Variants in NBEA observed in about 807,000 individuals in gnomAD.
NBEA encodes lysosomal-trafficking regulator 2.
A neutral mutation model predicts 343.4 loss-of-function variants in NBEA; 44 were observed. The ratio of observed to expected loss-of-function variants is 0.13; its 90% confidence interval spans 0.10 to 0.16. NBEA has a LOEUF of 0.16. NBEA is among the 10% of genes least tolerant of loss of function. NBEA has a pLI of 1.00. For synonymous variants in NBEA, 1,175 were observed against 1,238.7 expected, an observed-to-expected ratio of 0.95 and a Z score of 1.08; for missense variants, 2,555 against 3,631.3, an observed-to-expected ratio of 0.70 and a Z score of 7.62.
intron 33 of NBEA, among the ~76,000 whole-genome samples, chr13:35,212,979 A>G (rs531219881): frequency 2.0e-5 from 3 of 152,004 alleles, no homozygotes; most frequent in South Asian, 4.2e-4. Flanking sequence ...ATCATTATCA[A>G]TATGGTCTAT....
At position 34,942,985 on chromosome 13, in the gene NBEA, G is replaced by A. The variant is rs1343532608; in HGVS notation, c.165G>A (p.Met55Ile). The change falls in exon 1 of 59, where the codon ATG (methionine) becomes ATA (isoleucine). Residue 55 changes from methionine (M) to isoleucine (I), a missense_variant. This residue lies in a region of NBEA where 122 missense variants were observed against 91.0 expected (regional missense o/e 1.34). Coordinates refer to ENST00000379939, the MANE Select transcript of NBEA (RefSeq NM_001385012.1). ...GGGCGTCCGGCTCCGGCTCGGTGAT[G>A]CTCCCCGCGGGGATGATTAACCCTT... ...LRGASGSGSV[M>I]LPAGMINPSV... The A allele has an allele frequency of 6.2e-7, 1 of 1,608,622 alleles. No individual in the cohort carries two copies.
chr13:35,115,349 T>C (rs1374768524), intron 13 of NBEA, among the ~76,000 whole-genome samples: 2 of 151,974 alleles, frequency 1.3e-5, no homozygotes, highest in African/African-American at 2.4e-5. Flanking sequence ...TAAATATAAA[T>C]ATAAAATGAA....
intron 31 of NBEA, among the ~76,000 whole-genome samples, chr13:35,203,652 G>A (rs535998283): frequency 6.6e-5 from 10 of 152,224 alleles, no homozygotes; most frequent in Admixed American, 3.3e-4. Flanking sequence ...ATGAATGAGT[G>A]AATGTATCAC....
intron 38 of NBEA, among the ~76,000 whole-genome samples, chr13:35,417,593 C>A (rs1348415522): frequency 6.6e-6 from 1 of 152,126 alleles, no homozygotes; most frequent in Non-Finnish European, 1.5e-5. Flanking sequence ...GCACTGTGGT[C>A]TGAGAGATAG....
chr13:35,035,219 T>C (rs1373612561), intron 1 of NBEA, among the ~76,000 whole-genome samples: 2 of 151,966 alleles, frequency 1.3e-5, no homozygotes, highest in Non-Finnish European at 2.9e-5. Context: ...TGTGTTTCTG[T>C]TATTATTAGT....
In NBEA at chr13:35,475,263, G is replaced by A. The variant is rs764311301; in HGVS notation, c.6585+2727G>A. 8 of 1,613,882 alleles carry A rather than the reference G, an allele frequency of 5.0e-6. No homozygotes were observed. The South Asian group carries it at 6.6e-5, about 13-fold the overall frequency. On this transcript the variant is annotated intron_variant, in intron 41 of 58. Coordinates refer to ENST00000379939, the MANE Select transcript of NBEA (RefSeq NM_001385012.1). ...TCAGCCGATCACCCAGGCAAGACTC[G>A]TCCCAGTCCGACTCTCGGGGATGCT...
chr13:35,157,389 C>G (rs1005736957), intron 21 of NBEA, 119 bp downstream of exon 21: 1 of 772,898 alleles, frequency 1.3e-6, no homozygotes, highest in Non-Finnish European at 1.8e-6. Context: ...TCCTGTATCT[C>G]AGTTTTGTAT....
intron 1 of NBEA, among the ~76,000 whole-genome samples, chr13:35,032,612 T>C (rs535073035): frequency 8.6e-5 from 13 of 151,836 alleles, no homozygotes; most frequent in Non-Finnish European, 7.4e-5. Flanking sequence ...ACTCCATTGA[T>C]AGTGTACTCA....
At chr13:35,278,916 A>G (rs2034842060) in intron 34 of NBEA, among the ~76,000 whole-genome samples, 1 of 152,244 alleles carries the variant, frequency 6.6e-6, no homozygotes, top group African/African-American at 2.4e-5. Flanking sequence ...GTGTTCTGAT[A>G]AAATTTTATG....
At chr13:35,181,182 A>C (rs1030952258) in intron 28 of NBEA, among the ~76,000 whole-genome samples, 1 of 151,844 alleles carries the variant, frequency 6.6e-6, no homozygotes, top group Non-Finnish European at 1.5e-5. Context: ...CCTCTGGGTA[A>C]ATACCCAGTA....
chr13:35,366,946 A>G (rs1286633629), intron 38 of NBEA, among the ~76,000 whole-genome samples: 1 of 151,394 alleles, frequency 6.6e-6, no homozygotes, highest in Non-Finnish European at 1.5e-5. Flanking sequence ...TTTTAAAGCA[A>G]GTTACATTTG....
intron 34 of NBEA, among the ~76,000 whole-genome samples, chr13:35,271,643 G>A (rs2034163035): frequency 6.6e-6 from 1 of 152,216 alleles, no homozygotes; most frequent in Non-Finnish European, 1.5e-5. Context: ...AGAATAACCA[G>A]TGTAGAGAAG....
intron 24 of NBEA, among the ~76,000 whole-genome samples, chr13:35,168,604 A>G (rs1434425055): frequency 6.6e-6 from 1 of 151,538 alleles, no homozygotes; most frequent in Non-Finnish European, 1.5e-5. Context: ...TGCCTAAACC[A>G]GAATTGAGGT....
chr13:35,352,220 A>C lies in NBEA; in HGVS notation c.6076A>C (p.Ser2026Arg). 3 of 1,563,616 alleles carry C rather than the reference A, an allele frequency of 1.9e-6. No homozygotes were observed. The highest frequency in any genetic ancestry group is 2.6e-6 in the Non-Finnish European group (3 of 1,150,938). The change falls in exon 38 of 59, where the codon AGT becomes CGT. Residue 2026 changes from serine (S) to arginine (R), a missense_variant. This residue lies in a region of NBEA where 246 missense variants were observed against 313.7 expected (regional missense o/e 0.78). Coordinates refer to ENST00000379939, the MANE Select transcript of NBEA (RefSeq NM_001385012.1). ...EEEKMCDHLI[S>R]AAKHRDHVTA... ...AGAAAAGATGTGTGACCATCTTATC[A>C]GTGCTGCTAAACATCGAGATCATGT...
At chr13:35,038,034 C>G (rs981908433) in intron 1 of NBEA, among the ~76,000 whole-genome samples, 18 of 152,172 alleles carry the variant, frequency 1.2e-4, no homozygotes, top group African/African-American at 4.3e-4. Context: ...ACCTGGCATT[C>G]TGTTGTATTG....
intron 1 of NBEA, among the ~76,000 whole-genome samples, chr13:34,962,941 T>C (rs994590264): frequency 6.6e-6 from 1 of 152,108 alleles, no homozygotes; most frequent in African/African-American, 2.4e-5. Context: ...AACTCCAGAA[T>C]GCTGGTGCTT....
At chr13:35,268,861 G>A (rs1169692151) in intron 34 of NBEA, among the ~76,000 whole-genome samples, 2 of 152,024 alleles carry the variant, frequency 1.3e-5, no homozygotes, top group African/African-American at 4.8e-5. Flanking sequence ...AGAAGATAAT[G>A]GAACATCTTT....
chr13:35,304,932 T>C (rs1467336664), intron 35 of NBEA, among the ~76,000 whole-genome samples: 1 of 152,120 alleles, frequency 6.6e-6, no homozygotes, highest in Non-Finnish European at 1.5e-5. Flanking sequence ...TGTTCTTGGT[T>C]TTTCAATTTT....
chr13:35,132,360 A>G (rs376950115), intron 17 of NBEA, among the ~76,000 whole-genome samples: 1 of 152,106 alleles, frequency 6.6e-6, no homozygotes, highest in East Asian at 1.9e-4. Flanking sequence ...GGGTTTCACT[A>G]TGTTGGTCAG....
Sources: gnomAD v4.1 joint callset for allele counts (sites outside exome capture counted in the v4.1 genomes callset) on GRCh38, gnomAD v4.1.1 for gene constraint, gnomAD v4.1.1 regional missense constraint, MANE v1.5 for transcripts, NCBI Gene and HGNC (gene_info 2026-07-23, HGNC 2026-07-21) for gene names.